CNTLN: variants seen among roughly 807,000 people sequenced by gnomAD.
CNTLN encodes the protein centlein, centrosomal protein.
In CNTLN, 212 loss-of-function variants were observed where a neutral mutation model predicts 180.0. That is an observed-to-expected ratio of 1.18 (90% CI 1.05 to 1.32). CNTLN has a LOEUF of 1.32. Ranked by LOEUF, CNTLN falls within the 40% of genes most tolerant of loss-of-function variation. The probability of loss-of-function intolerance (pLI) is 0.00; values close to 1 mark genes in which losing one functional copy is unlikely to be tolerated. For synonymous variants in CNTLN, 722 were observed against 563.1 expected, an observed-to-expected ratio of 1.28 and a Z score of -3.99; for missense variants, 2,095 against 1,610.9, an observed-to-expected ratio of 1.30 and a Z score of -5.14.
At position 17,298,980 on chromosome 9, in the gene CNTLN, A is replaced by G; in HGVS notation, c.1146+628A>G. On this transcript the variant is annotated intron_variant, in intron 7 of 25. Coordinates refer to ENST00000380647, the MANE Select transcript of CNTLN (RefSeq NM_017738.4). Reference sequence around the variant, plus strand: ...CTTTATTGGCCGGGCATGGTGGCTCATGCCTGTAATCCCAGCACTTTGGGA... The same window carrying G: ...CTTTATTGGCCGGGCATGGTGGCTCGTGCCTGTAATCCCAGCACTTTGGGA... 3 of 974,094 alleles carry G rather than the reference A, an allele frequency of 3.1e-6. 1 individual carries two copies. The highest frequency in any genetic ancestry group is 9.5e-5 in the South Asian group (2 of 21,042). 60.3% of individuals were successfully genotyped at this position (974,094 alleles called of 1,614,324 possible). A position where few individuals can be genotyped will look rare whatever the true frequency, so the allele number is the denominator to read the frequency against.
chr9:17,295,145 G>A (rs994621500), intron 6 of CNTLN, among the ~76,000 whole-genome samples: 1 of 151,798 alleles, frequency 6.6e-6, no homozygotes, highest in Non-Finnish European at 1.5e-5. Context: ...CCAAGCCCAC[G>A]CCCACCCGGA....
intron 15 of CNTLN, among the ~76,000 whole-genome samples, chr9:17,407,415 A>C (rs1827478205): frequency 6.6e-6 from 1 of 152,236 alleles, no homozygotes; most frequent in South Asian, 2.1e-4. Context: ...AGAACATCTG[A>C]ATTCCATCAA....
the CNTLN span, among the ~76,000 whole-genome samples, chr9:17,520,091 G>A: frequency 6.6e-6 from 1 of 152,192 alleles, no homozygotes; most frequent in African/African-American, 2.4e-5. Flanking sequence ...TATTTTGCTT[G>A]TGTAAATTCA....
intron 13 of CNTLN, among the ~76,000 whole-genome samples, chr9:17,370,816 T>G (rs1229279912): frequency 6.6e-6 from 1 of 152,132 alleles, no homozygotes; most frequent in Non-Finnish European, 1.5e-5. Flanking sequence ...TAAATAATTT[T>G]TATCAGTTTT....
At chr9:17,333,208 A>G (rs1645560482) in intron 10 of CNTLN, among the ~76,000 whole-genome samples, 1 of 152,132 alleles carries the variant, frequency 6.6e-6, no homozygotes, top group Non-Finnish European at 1.5e-5. Flanking sequence ...TTGTCTCAGA[A>G]CATGTGACAT....
chr9:17,511,242 C>A, the CNTLN span, among the ~76,000 whole-genome samples: 349 of 152,314 alleles, frequency 2.3e-3, 3 homozygotes, highest in African/African-American at 7.5e-3. Context: ...ACATATATAA[C>A]TCTTCTCCAG....
intron 5 of CNTLN, among the ~76,000 whole-genome samples, chr9:17,266,314 C>T (rs200785698): frequency 6.6e-6 from 1 of 152,042 alleles, no homozygotes; most frequent in African/African-American, 2.4e-5. Context: ...TCACTCAGGA[C>T]CAGGTTGTTG....
intron 12 of CNTLN, among the ~76,000 whole-genome samples, chr9:17,360,672 A>G (rs1341410048): frequency 1.3e-5 from 2 of 152,180 alleles, no homozygotes; most frequent in Non-Finnish European, 2.9e-5. Flanking sequence ...GGTTAAGCAG[A>G]ACCTCTTTGT....
At chr9:17,382,634 A>G (rs187890150) in intron 13 of CNTLN, among the ~76,000 whole-genome samples, 39 of 152,326 alleles carry the variant, frequency 2.6e-4, no homozygotes, top group Admixed American at 2.4e-3. Context: ...GAGAATAACA[A>G]AAATTGTTCT....
At chr9:17,258,906 C>T (rs1035840459) in intron 5 of CNTLN, among the ~76,000 whole-genome samples, 9 of 148,250 alleles carry the variant, frequency 6.1e-5, no homozygotes, top group Admixed American at 4.7e-4. Context: ...GATATACATT[C>T]ATGTCATCTG....
intron 2 of CNTLN, among the ~76,000 whole-genome samples, chr9:17,160,556 C>T (rs971938864): frequency 2.0e-5 from 3 of 152,156 alleles, no homozygotes; most frequent in Non-Finnish European, 2.9e-5. Flanking sequence ...TTTAGTAATT[C>T]CTCTGTGTCC....
intron 8 of CNTLN, among the ~76,000 whole-genome samples, chr9:17,316,785 T>C (rs1159605649): frequency 6.6e-6 from 1 of 152,128 alleles, no homozygotes; most frequent in Non-Finnish European, 1.5e-5. Context: ...TTGTTTTTCT[T>C]TTACTATATA....
At chr9:17,462,812 A>T (rs183319640) in intron 19 of CNTLN, 104 bp from the exon 20 acceptor site, 1 of 436,984 alleles carries the variant, frequency 2.3e-6, no homozygotes, top group Non-Finnish European at 4.1e-6. Context: ...ATTGTTTACC[A>T]TAATTATTGT....
intron 18 of CNTLN, among the ~76,000 whole-genome samples, chr9:17,429,594 A>C (rs1829293438): frequency 6.6e-6 from 1 of 152,062 alleles, no homozygotes; most frequent in South Asian, 2.1e-4. Context: ...AATTTGAGAA[A>C]TACAGAATAT....
At chr9:17,453,952 A>C (rs1830960764) in intron 18 of CNTLN, among the ~76,000 whole-genome samples, 2 of 152,190 alleles carry the variant, frequency 1.3e-5, no homozygotes, top group Non-Finnish European at 2.9e-5. Flanking sequence ...TAGCTCTCAG[A>C]AACTTGATTA....
chr9:17,368,196 C>T (rs1823995170), intron 13 of CNTLN, among the ~76,000 whole-genome samples: 1 of 152,116 alleles, frequency 6.6e-6, no homozygotes, highest in Non-Finnish European at 1.5e-5. Flanking sequence ...GGAACATTGA[C>T]AGTGGCCTGG....
intron 2 of CNTLN, among the ~76,000 whole-genome samples, chr9:17,188,802 A>G (rs1053206146): frequency 6.6e-6 from 1 of 152,018 alleles, no homozygotes; most frequent in South Asian, 2.1e-4. Flanking sequence ...TAAATTATTG[A>G]GTATCTTTTA....
chr9:17,252,245 G>A (rs1370947799), intron 5 of CNTLN, among the ~76,000 whole-genome samples: 3 of 151,688 alleles, frequency 2.0e-5, no homozygotes, highest in African/African-American at 7.3e-5. Flanking sequence ...CTTTTCCTTT[G>A]GATAGATACC....
At chr9:17,142,891 G>C (rs1385028613) in intron 1 of CNTLN, among the ~76,000 whole-genome samples, 1 of 152,170 alleles carries the variant, frequency 6.6e-6, no homozygotes, top group African/African-American at 2.4e-5. Context: ...ATGGTGGTTA[G>C]GAAAATCTTA....
Sources: allele counts gnomAD v4.1 joint callset (sites outside exome capture counted in the v4.1 genomes callset), GRCh38; gene constraint gnomAD v4.1.1; transcripts MANE v1.5; gene names NCBI Gene and HGNC (gene_info 2026-07-23, HGNC 2026-07-21).